Variants in IRAK2 observed in about 807,000 individuals in gnomAD.
The protein encoded by IRAK2 is interleukin 1 receptor associated kinase 2, also known as interleukin-1 receptor-associated kinase-like 2.
IRAK2 carries 57 observed loss-of-function variants against 72.0 expected under a neutral mutation model. The observed-to-expected ratio is 0.79, with a 90% CI of 0.64 to 0.99. IRAK2 has a LOEUF of 0.99. Among genes scored for constraint, IRAK2 ranks in the 50% least tolerant of loss-of-function variants. IRAK2 has a pLI of 0.00. For synonymous variants in IRAK2, 293 were observed against 312.7 expected (o/e 0.94, Z 0.67); for missense variants, 790 against 794.4 (o/e 0.99, Z 0.07).
At chr3:10,213,583 T>C (rs750621231) in intron 6 of IRAK2, 35 bp downstream of exon 6, 34 of 1,504,780 alleles carry the variant, frequency 2.3e-5, no homozygotes, top group Non-Finnish European at 3.1e-5. Context: ...TAATGATAGC[T>C]AACCTTTATA....
intron 2 of IRAK2, among the ~76,000 whole-genome samples, chr3:10,188,964 A>T (rs1697129075): frequency 6.6e-6 from 1 of 152,254 alleles, no homozygotes; most frequent in Admixed American, 6.5e-5. Context: ...CCTGGCCTAA[A>T]AATACATTTG....
At chr3:10,231,004 C>T (rs1697854370) in intron 10 of IRAK2, among the ~76,000 whole-genome samples, 1 of 152,020 alleles carries the variant, frequency 6.6e-6, no homozygotes, top group Admixed American at 6.6e-5. Flanking sequence ...CCACCTGCCT[C>T]GGCGGCCTCC....
intron 1 of IRAK2, among the ~76,000 whole-genome samples, chr3:10,173,292 G>A (rs1021045537): frequency 5.3e-5 from 8 of 150,932 alleles, no homozygotes; most frequent in South Asian, 2.1e-4. Flanking sequence ...GCTGACTTTC[G>A]CACATGTTTT....
intron 1 of IRAK2, among the ~76,000 whole-genome samples, chr3:10,171,358 C>G (rs1438599522): frequency 6.6e-6 from 1 of 152,112 alleles, no homozygotes; most frequent in South Asian, 2.1e-4. Flanking sequence ...AGCACCCTCA[C>G]AGTGTTGCTG....
chr3:10,217,646 T>C (rs186916626), intron 7 of IRAK2, among the ~76,000 whole-genome samples: 4 of 152,354 alleles, frequency 2.6e-5, no homozygotes, highest in Non-Finnish European at 5.9e-5. Context: ...GGGCCTAGGA[T>C]AAGAAGCAAA....
At chr3:10,178,185 C>A (rs185173407) in intron 2 of IRAK2, among the ~76,000 whole-genome samples, 165 bp downstream of exon 2, 2 of 152,128 alleles carry the variant, frequency 1.3e-5, no homozygotes, top group Non-Finnish European at 2.9e-5. Context: ...AGGCCAGGTG[C>A]GGTGGCTCAC....
chr3:10,191,169 C>T, intron 2 of IRAK2, among the ~76,000 whole-genome samples: 1 of 152,048 alleles, frequency 6.6e-6, no homozygotes. Flanking sequence ...GTGGCGGGTG[C>T]CTGTAGTCCC....
intron 2 of IRAK2, among the ~76,000 whole-genome samples, chr3:10,190,361 A>G (rs548203057): frequency 1.3e-3 from 199 of 147,886 alleles, no homozygotes; most frequent in Non-Finnish European, 2.6e-3. Context: ...GCTCACTGCA[A>G]CCTCTGCCTC....
chr3:10,210,551 T>C (rs1697501655), intron 4 of IRAK2, among the ~76,000 whole-genome samples: 1 of 152,162 alleles, frequency 6.6e-6, no homozygotes. Context: ...TTGCATCCAG[T>C]GCCTGGGGGA....
intron 1 of IRAK2, among the ~76,000 whole-genome samples, chr3:10,166,797 A>G (rs1286012251): frequency 6.6e-6 from 1 of 152,164 alleles, no homozygotes; most frequent in East Asian, 1.9e-4. Flanking sequence ...GGCATGTGCC[A>G]CCACGCCCAC....
At chr3:10,197,358 C>T (rs1697284736) in intron 2 of IRAK2, among the ~76,000 whole-genome samples, 1 of 149,720 alleles carries the variant, frequency 6.7e-6, no homozygotes, top group African/African-American at 2.5e-5. Flanking sequence ...GTACTCTAGC[C>T]TGGGCAACAG....
At chr3:10,239,160 C>G in intron 12 of IRAK2, 121 bp downstream of exon 12, 3 of 942,202 alleles carry the variant, frequency 3.2e-6, no homozygotes, top group Non-Finnish European at 3.1e-6. Context: ...CATTCACCAA[C>G]CAGCCAGTTT....
intron 8 of IRAK2, 101 bp downstream of exon 8, chr3:10,219,890 C>A: frequency 1.3e-6 from 1 of 753,476 alleles, no homozygotes. Context: ...CCCCTGTCCT[C>A]TTTGTTTTTC....
At position 10,222,768 on chromosome 3, in the gene IRAK2, G is replaced by C. The variant is rs1375796286; in HGVS notation, c.1146G>C (p.Leu382=). The C allele has an allele frequency of 3.7e-6, 6 of 1,614,096 alleles. No homozygotes were observed. Among genetic ancestry groups the C allele is most frequent in the African/African-American group, 1.3e-5 (1 of 74,936 alleles). Residue 382 remains leucine, a synonymous_variant, in exon 9 of 13, where the codon CTG becomes CTC. Transcript: ENST00000256458. ...THLLRTSAAY[L]PEDFIRVGQL... ...TGCTCCGGACGTCAGCCGCGTATCT[G>C]CCAGAGGATTTCATCCGGGTGGGGC...
chr3:10,218,041 C>G (rs2125158096), intron 7 of IRAK2, among the ~76,000 whole-genome samples: 1 of 152,286 alleles, frequency 6.6e-6, no homozygotes, highest in East Asian at 1.9e-4. Flanking sequence ...GTTCGTCTGG[C>G]TCTAGGTTTC....
chr3:10,196,885 C>T (rs137895572), intron 2 of IRAK2, among the ~76,000 whole-genome samples: 415 of 152,272 alleles, frequency 2.7e-3, no homozygotes, highest in Middle Eastern at 0.014. Context: ...GCTGATTCAT[C>T]GTCTGCTCAC....
intron 2 of IRAK2, among the ~76,000 whole-genome samples, chr3:10,183,444 G>A (rs969911694): frequency 1.3e-4 from 20 of 152,218 alleles, no homozygotes; most frequent in Admixed American, 5.9e-4. Flanking sequence ...TGGGCCGGGC[G>A]CAGTGGCTCA....
intron 2 of IRAK2, among the ~76,000 whole-genome samples, chr3:10,189,105 C>T (rs1200968383): frequency 2.6e-5 from 4 of 152,192 alleles, no homozygotes; most frequent in African/African-American, 7.2e-5. Flanking sequence ...GCATGTCACC[C>T]ACTGCAGTAT....
chr3:10,224,596 T>C (rs1170978689), intron 9 of IRAK2, among the ~76,000 whole-genome samples: 1 of 150,312 alleles, frequency 6.7e-6, no homozygotes, highest in Non-Finnish European at 1.5e-5. Context: ...TACACCCTCC[T>C]TCTGATATCT....
Sources: gnomAD v4.1 joint callset for allele counts (sites outside exome capture counted in the v4.1 genomes callset) on GRCh38, gnomAD v4.1.1 for gene constraint, MANE v1.5 for transcripts, NCBI Gene and HGNC (gene_info 2026-07-23, HGNC 2026-07-21) for gene names.